Variants in FUT8 observed in about 807,000 individuals in gnomAD.
FUT8 encodes the protein alpha-(1,6)-fucosyltransferase.
In FUT8, 29 loss-of-function variants were observed where a neutral mutation model predicts 71.3. The observed-to-expected ratio is 0.41, with a 90% CI of 0.30 to 0.55. The LOEUF (loss-of-function observed/expected upper bound fraction) is 0.55. FUT8 is among the 20% of genes least tolerant of loss of function. The pLI is 0.34. For synonymous variants in FUT8, 254 were observed against 239.3 expected (o/e 1.06, Z -0.57); for missense variants, 544 against 702.1 (o/e 0.77, Z 2.55).
At chr14:65,644,344 G>A (rs1273271734) in intron 6 of FUT8, among the ~76,000 whole-genome samples, 1 of 152,030 alleles carries the variant, frequency 6.6e-6, no homozygotes, top group East Asian at 1.9e-4. Flanking sequence ...AGGCTGGAGT[G>A]TAGTGGTGTG....
Position 65,742,512 on chromosome 14 carries a change from T to C in FUT8, c.*102T>C. On this transcript the variant is annotated 3_prime_UTR_variant, in exon 11 of 11. Transcript: ENST00000673929. ...TGAAGAGGGCTCTGATCTAACAAAA[T>C]AAGGTTATATGAGTAGATACTCTCA... 1 of 956,044 alleles carries C rather than the reference T, an allele frequency of 1.0e-6. No individual in the cohort carries two copies. Among genetic ancestry groups the C allele is most frequent in the East Asian group, 2.6e-5 (1 of 38,152 alleles). The allele number at this position is 956,044 out of a possible 1,614,324, so 59.2% of individuals were successfully genotyped here.
intron 6 of FUT8, among the ~76,000 whole-genome samples, chr14:65,664,045 C>T (rs1892092748): frequency 6.6e-6 from 1 of 152,000 alleles, no homozygotes; most frequent in South Asian, 2.1e-4. Flanking sequence ...ATTCTCTGTA[C>T]TATCTTTGCA....
chr14:65,717,192 C>T (rs10136921), intron 7 of FUT8, among the ~76,000 whole-genome samples: 1,715 of 111,388 alleles, frequency 0.015, 72 homozygotes, highest in African/African-American at 0.041. Context: ...ACGGGGCGGC[C>T]GGGCAGAGGC....
intron 5 of FUT8, 45 bp downstream of exon 5, chr14:65,616,418 A>C (rs752266680): frequency 1.4e-6 from 2 of 1,446,820 alleles, no homozygotes; most frequent in East Asian, 4.6e-5. Context: ...AGAAAAGATT[A>C]TAATCTAAGA....
At chr14:65,655,954 A>G (rs1327858765) in intron 6 of FUT8, among the ~76,000 whole-genome samples, 1 of 152,220 alleles carries the variant, frequency 6.6e-6, no homozygotes, top group Non-Finnish European at 1.5e-5. Flanking sequence ...TAAAGGGAAT[A>G]TACCTCAACA....
chr14:65,621,082 A>G (rs1250383817), intron 5 of FUT8, among the ~76,000 whole-genome samples: 2 of 152,162 alleles, frequency 1.3e-5, no homozygotes, highest in African/African-American at 4.8e-5. Flanking sequence ...TCCTACGACC[A>G]CACATCTTTT....
At chr14:65,619,050 G>T (rs1044552518) in intron 5 of FUT8, among the ~76,000 whole-genome samples, 1 of 152,126 alleles carries the variant, frequency 6.6e-6, no homozygotes, top group African/African-American at 2.4e-5. Flanking sequence ...AGAGGTCTGG[G>T]CTAATTCTGG....
the FUT8 span, among the ~76,000 whole-genome samples, chr14:65,396,531 G>C: frequency 6.6e-6 from 1 of 152,188 alleles, no homozygotes; most frequent in African/African-American, 2.4e-5. This position sits in a 1 kb window ranked among gnomAD's most constrained non-coding sequence, Gnocchi z 5.5. Context: ...ACTACCACAA[G>C]AACAGTACAG....
intron 1 of FUT8, among the ~76,000 whole-genome samples, chr14:65,424,128 GA>G (rs1400465041): frequency 2.6e-5 from 4 of 152,196 alleles, no homozygotes; most frequent in Non-Finnish European, 4.4e-5. Flanking sequence ...TAAACATAAT[GA>G]AACCGCGAGA....
chr14:65,517,365 C>T (rs1032616511), intron 2 of FUT8, among the ~76,000 whole-genome samples: 1 of 152,014 alleles, frequency 6.6e-6, no homozygotes, highest in African/African-American at 2.4e-5. Flanking sequence ...TATCATGAAA[C>T]TATTGTTTTA....
At chr14:65,376,658 C>T in the FUT8 span, among the ~76,000 whole-genome samples, 5 of 151,424 alleles carry the variant, frequency 3.3e-5, no homozygotes, top group African/African-American at 7.3e-5. Flanking sequence ...GTGATCCACC[C>T]GCCTTGGCCT....
chr14:65,444,060 A>G (rs959755756), intron 1 of FUT8, among the ~76,000 whole-genome samples: 4 of 152,202 alleles, frequency 2.6e-5, no homozygotes, highest in Non-Finnish European at 5.9e-5. Flanking sequence ...GAAACTCTTA[A>G]TGTTGCACAT....
At chr14:65,604,743 G>GA (rs1489011714) in intron 3 of FUT8, among the ~76,000 whole-genome samples, 3 of 151,724 alleles carry the variant, frequency 2.0e-5, no homozygotes, top group Non-Finnish European at 2.9e-5. Flanking sequence ...CAGAAGAAAG[G>GA]AAATGACCAA....
chr14:65,612,931 G>A (rs1258522200), intron 3 of FUT8, among the ~76,000 whole-genome samples: 1 of 152,144 alleles, frequency 6.6e-6, no homozygotes, highest in Non-Finnish European at 1.5e-5. Flanking sequence ...TGTTCCCTAA[G>A]TATTCAGAAA....
intron 6 of FUT8, among the ~76,000 whole-genome samples, chr14:65,649,027 A>G (rs1891239222): frequency 1.3e-5 from 2 of 152,214 alleles, no homozygotes; most frequent in Non-Finnish European, 1.5e-5. Flanking sequence ...TTTTCTCTCA[A>G]CTATTCCATG....
chr14:65,388,641 A>G, the FUT8 span, among the ~76,000 whole-genome samples: 1 of 152,142 alleles, frequency 6.6e-6, no homozygotes, highest in Non-Finnish European at 1.5e-5. Flanking sequence ...GTGCACCTGT[A>G]ATCCCAGCTA....
At chr14:65,680,481 T>C (rs1303283775) in intron 7 of FUT8, among the ~76,000 whole-genome samples, 1 of 152,228 alleles carries the variant, frequency 6.6e-6, no homozygotes, top group Admixed American at 6.5e-5. Context: ...TGGTCCCTTT[T>C]GTCTAAAATC....
At chr14:65,598,982 G>A (rs933432604) in intron 3 of FUT8, among the ~76,000 whole-genome samples, 5 of 151,920 alleles carry the variant, frequency 3.3e-5, no homozygotes, top group African/African-American at 1.2e-4. Context: ...GTAAAGATGG[G>A]GTTTCACCAC....
intron 3 of FUT8, among the ~76,000 whole-genome samples, chr14:65,591,034 A>G (rs1219742351): frequency 2.6e-5 from 4 of 152,190 alleles, no homozygotes; most frequent in Non-Finnish European, 5.9e-5. Flanking sequence ...CACATAAAAC[A>G]TACATTTTTC....
Sources: allele counts gnomAD v4.1 joint callset (sites outside exome capture counted in the v4.1 genomes callset), GRCh38; gene constraint gnomAD v4.1.1; non-coding constraint Gnocchi (gnomAD v3.1); transcripts MANE v1.5; gene names NCBI Gene and HGNC (gene_info 2026-07-23, HGNC 2026-07-21).